Variants in DGUOK observed in about 807,000 individuals in gnomAD.
DGUOK encodes deoxyguanosine kinase, mitochondrial.
In DGUOK, 30 loss-of-function variants were observed where a neutral mutation model predicts 36.6. That is an observed-to-expected ratio of 0.82 (90% confidence interval 0.61 to 1.11). DGUOK has a LOEUF of 1.11. Ranked by LOEUF, DGUOK falls within the 50% of genes most tolerant of loss-of-function variation. The probability of loss-of-function intolerance (pLI) is 0.00; values close to 1 mark genes in which losing one functional copy is unlikely to be tolerated. For synonymous variants in DGUOK, 145 were observed against 126.3 expected (o/e 1.15, Z -0.99); for missense variants, 361 against 336.4 (o/e 1.07, Z -0.57).
Position 73,946,834 on chromosome 2 carries a change from A to C in DGUOK, c.371A>C (p.Glu124Ala). Residue 124 changes from glutamate to alanine, a missense_variant, in exon 3 of 7, where the codon GAG (glutamate) becomes GCG (alanine). Transcript: ENST00000264093. ...SFLSRLKVQL[E>A]PFPEKLLQAR... ...TTGAGCCGCCTGAAAGTACAGCTGG[A>C]GCCCTTCCCTGAGAAACTCTTACAG... 6.2e-7 allele frequency: 1 copy of C among 1,613,996 alleles called. No individual in the cohort carries two copies. Among genetic ancestry groups the C allele is most frequent in the Non-Finnish European group, 8.5e-7 (1 of 1,180,024 alleles).
chr2:73,956,818 C>T (rs1683132589), intron 4 of DGUOK, among the ~76,000 whole-genome samples: 2 of 152,196 alleles, frequency 1.3e-5, no homozygotes, highest in South Asian at 4.1e-4. Context: ...AATTGAGTGA[C>T]TTCCCAGATA....
chr2:73,956,190 G>A (rs114877984), intron 4 of DGUOK, among the ~76,000 whole-genome samples: 1,697 of 152,294 alleles, frequency 0.011, 15 homozygotes, highest in Non-Finnish European at 0.017. Flanking sequence ...CCAGATGAAT[G>A]CAGAATAGAA....
At chr2:73,949,773 A>G (rs1349872655) in intron 3 of DGUOK, among the ~76,000 whole-genome samples, 1 of 152,188 alleles carries the variant, frequency 6.6e-6, no homozygotes, top group African/African-American at 2.4e-5. Context: ...TTTTTATTAA[A>G]ATGCCTGAGG....
Position 73,939,023 on chromosome 2 carries a change from G to A in DGUOK, c.255+1G>A, listed in dbSNP as rs1681699979. Reference sequence around the variant, plus strand: ...TATCCAGGCTGCTGGCACCCAAAAAGTAAGTTTTTAGTTGTGGTGGGTAGT... The same window carrying A: ...TATCCAGGCTGCTGGCACCCAAAAAATAAGTTTTTAGTTGTGGTGGGTAGT... On this transcript the variant is annotated splice_donor_variant, in intron 2 of 6. Coordinates refer to ENST00000264093, the MANE Select transcript of DGUOK (RefSeq NM_080916.3). LOFTEE classifies it high-confidence loss of function. 6.2e-7 allele frequency: 1 copy of A among 1,611,086 alleles called. No homozygotes were observed. Among genetic ancestry groups the A allele is most frequent in the African/African-American group, 1.3e-5 (1 of 74,956 alleles).
chr2:73,939,063 G>T, intron 2 of DGUOK, 41 bp downstream of exon 2: 1 of 1,280,972 alleles, frequency 7.8e-7, no homozygotes, highest in South Asian at 1.2e-5. Flanking sequence ...AGGCATGGGT[G>T]AATAATCTAA....
chr2:73,958,513 G>T (rs1231788244), intron 6 of DGUOK, among the ~76,000 whole-genome samples, 197 bp from the exon 7 acceptor site: 2 of 152,162 alleles, frequency 1.3e-5, no homozygotes, highest in Admixed American at 1.3e-4. Flanking sequence ...CTAGGGAAAT[G>T]AGACTACTGG....
intron 5 of DGUOK, among the ~76,000 whole-genome samples, chr2:73,957,768 GACTGAA>G (rs1443437024): frequency 5.3e-5 from 8 of 152,148 alleles, no homozygotes; most frequent in African/African-American, 1.9e-4. Flanking sequence ...CATTTCCCTA[GACTGAA>G]CATTGTGATT....
intron 3 of DGUOK, among the ~76,000 whole-genome samples, chr2:73,949,192 TC>T (rs1682541301): frequency 6.6e-6 from 1 of 152,206 alleles, no homozygotes; most frequent in South Asian, 2.1e-4. Flanking sequence ...CCTCAGGTGA[TC>T]CGTCCGCCTC....
At chr2:73,927,443 G>A (rs941128453) in intron 1 of DGUOK, among the ~76,000 whole-genome samples, 4 of 152,146 alleles carry the variant, frequency 2.6e-5, no homozygotes, top group African/African-American at 7.2e-5. Context: ...TTAAGATAAC[G>A]AATAATTTTT....
intron 4 of DGUOK, among the ~76,000 whole-genome samples, chr2:73,954,916 G>T (rs1682976393): frequency 6.6e-6 from 1 of 152,072 alleles, no homozygotes; most frequent in Admixed American, 6.5e-5. Context: ...GATGAAGAGG[G>T]GTCAGACTAA....
Position 73,926,921 on chromosome 2 carries a change from G to A in DGUOK, c.11G>A (p.Gly4Asp). The A allele has an allele frequency of 6.2e-7, 1 of 1,613,430 alleles. No individual in the cohort carries two copies. Among genetic ancestry groups the A allele is most frequent in the Non-Finnish European group, 8.5e-7 (1 of 1,180,016 alleles). ...TGAATCGTGGGTGGGATGGCCGCGG[G>A]CCGCCTCTTTCTAAGTCGGCTTCGA... is the stretch of plus-strand genomic sequence containing the variant. MAAGRLFLSRLRAP... is the reference protein window; with the variant it reads MAADRLFLSRLRAP... Residue 4 changes from glycine to aspartate, a missense_variant, in exon 1 of 7, where the codon GGC becomes GAC. Coordinates refer to ENST00000264093, the MANE Select transcript of DGUOK (RefSeq NM_080916.3).
At chr2:73,954,547 C>G (rs972730475) in intron 4 of DGUOK, among the ~76,000 whole-genome samples, 3 of 151,920 alleles carry the variant, frequency 2.0e-5, no homozygotes, top group African/African-American at 7.3e-5. Flanking sequence ...AATTTTAAAA[C>G]TCAAAAGAGA....
At chr2:73,951,194 A>C (rs966593697) in intron 4 of DGUOK, among the ~76,000 whole-genome samples, 3 of 152,082 alleles carry the variant, frequency 2.0e-5, no homozygotes, top group African/African-American at 7.2e-5. Context: ...CTGTGATGCC[A>C]TTGGGAAGGC....
At chr2:73,940,604 A>G (rs1196386565) in intron 2 of DGUOK, among the ~76,000 whole-genome samples, 1 of 152,246 alleles carries the variant, frequency 6.6e-6, no homozygotes, top group South Asian at 2.1e-4. Context: ...GTATTTCAAA[A>G]TACAGTCATG....
chr2:73,926,889 C>G lies in DGUOK; in HGVS notation c.-22C>G, dbSNP rs866656831. ...CGGAAGTGCTCTCGGCGGAAGTGAT[C>G]GCTGTGTGAATCGTGGGTGGGATGG... On this transcript the variant is annotated 5_prime_UTR_variant, in exon 1 of 7. The change creates a new upstream start codon in the 5' untranslated region. Coordinates refer to ENST00000264093, the MANE Select transcript of DGUOK (RefSeq NM_080916.3). The G allele has an allele frequency of 1.2e-6, 2 of 1,613,136 alleles. No individual in the cohort carries two copies. Among genetic ancestry groups the G allele is most frequent in the Non-Finnish European group, 1.7e-6 (2 of 1,180,020 alleles).
chr2:73,938,626 C>T (rs1285179773), intron 1 of DGUOK, among the ~76,000 whole-genome samples: 4 of 152,134 alleles, frequency 2.6e-5, no homozygotes, highest in African/African-American at 9.7e-5. Context: ...TTTACATTTT[C>T]AACTGTTATT....
chr2:73,940,938 A>G (rs1001207952), intron 2 of DGUOK, among the ~76,000 whole-genome samples: 4 of 152,264 alleles, frequency 2.6e-5, no homozygotes, highest in Non-Finnish European at 4.4e-5. Flanking sequence ...TAAGTGGTAC[A>G]TGATTGCATG....
chr2:73,939,413 G>T (rs1681732949), intron 2 of DGUOK, among the ~76,000 whole-genome samples: 1 of 152,220 alleles, frequency 6.6e-6, no homozygotes. Context: ...GAAATTAGAA[G>T]GGATATTAGA....
intron 1 of DGUOK, among the ~76,000 whole-genome samples, chr2:73,930,141 C>T (rs878978109): frequency 6.6e-6 from 1 of 152,130 alleles, no homozygotes. Context: ...TATATGAGCA[C>T]CAACTTCAGA....
Sources: gnomAD v4.1 joint callset for allele counts (sites outside exome capture counted in the v4.1 genomes callset) on GRCh38, gnomAD v4.1.1 for gene constraint, MANE v1.5 for transcripts, NCBI Gene and HGNC (gene_info 2026-07-23, HGNC 2026-07-21) for gene names.